Variants in SETD2 observed in about 807,000 individuals in gnomAD.
SETD2 encodes histone-lysine N-methyltransferase SETD2.
SETD2 carries 31 observed loss-of-function variants against 242.1 expected under a neutral mutation model. The ratio of observed to expected loss-of-function variants is 0.13; its 90% CI spans 0.10 to 0.17. SETD2 has a LOEUF of 0.17. Ranked by LOEUF, SETD2 falls within the 10% of genes least tolerant of loss-of-function variation. SETD2 has a pLI of 1.00. For missense variants in SETD2, 2,481 were observed against 3,046.3 expected, an observed-to-expected ratio of 0.81 and a Z score of 4.37; for synonymous variants, 1,006 against 1,066.5, an observed-to-expected ratio of 0.94 and a Z score of 1.11.
rs2038049617 is a variant in SETD2 at position 47,017,840 on chromosome 3, A to T, written c.7432-101T>A. ...AAAAGGTAGTGAGTAAAGCCAGCCA[A>T]TCCTTCTCCTTTTCCTCCCTCAGGT... On this transcript the variant is annotated intron_variant, in intron 19 of 20. Transcript: ENST00000409792. This position sits in a 1 kb window ranked among gnomAD's most constrained non-coding sequence, Gnocchi z 4.8. 1 of 804,932 alleles carries T rather than the reference A, an allele frequency of 1.2e-6. No homozygotes were observed. Among genetic ancestry groups the T allele is most frequent in the Non-Finnish European group, 2.2e-6 (1 of 460,234 alleles). 49.9% of individuals were successfully genotyped at this position (804,932 alleles called of 1,614,324 possible).
In SETD2 at chr3:47,113,889, T is replaced by C. The variant is rs2042754375; in HGVS notation, c.4702A>G (p.Lys1568Glu). The C allele has an allele frequency of 1.2e-6, 2 of 1,610,346 alleles. No individual in the cohort carries two copies. The highest frequency in any genetic ancestry group is 8.5e-7 in the Non-Finnish European group (1 of 1,179,024). ...AAAAGAACTTACGAAGGAAGGTCTT[T>C]GGCAGCTCTCAAGCCCCAGCCTTTC... ...EKKGWGLRAA[K>E]DLPSNTFVLE... The change falls in exon 5 of 21, where the codon AAA (lysine) becomes GAA (glutamate). Residue 1568 changes from lysine (K) to glutamate (E), a missense_variant. Physicochemically the swap from Lys to Glu is moderately conservative, Grantham distance 56 (BLOSUM62 1). Coordinates refer to ENST00000409792, the MANE Select transcript of SETD2 (RefSeq NM_014159.7).
chr3:47,125,157 AAAAATAC>A (rs1220690835), intron 2 of SETD2, among the ~76,000 whole-genome samples: 1 of 151,904 alleles, frequency 6.6e-6, no homozygotes, highest in Non-Finnish European at 1.5e-5. Flanking sequence ...CATCTCTACT[AAAAATAC>A]AAAAATTAGC....
At chr3:47,127,627 C>G (rs969703519) in intron 1 of SETD2, 1 of 412,226 alleles carries the variant, frequency 2.4e-6, no homozygotes, top group Admixed American at 2.8e-5. Context: ...TTTGGGAGGC[C>G]GAGGTGGGCA....
chr3:47,019,762 C>T lies in SETD2; in HGVS notation c.7429G>A (p.Glu2477Lys). 2 of 1,613,494 alleles carry T rather than the reference C, an allele frequency of 1.2e-6. No individual in the cohort carries two copies. Among genetic ancestry groups the T allele is most frequent in the Non-Finnish European group, 1.7e-6 (2 of 1,179,458 alleles). ...AKKSKEVFRK[E>K]MSQFIVQCLN... ...TGCTTATATCCACCAAACCTTACCT[C>T]TTTTCTGAATACTTCTTTGCTTTTC... Residue 2477 changes from glutamate (E) to lysine (K), a missense_variant and splice_region_variant, in exon 19 of 21, where the codon GAG (glutamate) becomes AAG (lysine). Physicochemically the swap from Glu to Lys is moderately conservative, Grantham distance 56 (BLOSUM62 1). Coordinates refer to ENST00000409792, the MANE Select transcript of SETD2 (RefSeq NM_014159.7).
At chr3:47,031,625 T>C (rs1188354236) in intron 18 of SETD2, among the ~76,000 whole-genome samples, 2 of 152,120 alleles carry the variant, frequency 1.3e-5, no homozygotes, top group Non-Finnish European at 2.9e-5. Flanking sequence ...GGTAAATATG[T>C]GGGTAAATAT....
At position 47,123,211 on chromosome 3, in the gene SETD2, A is replaced by G. The variant is rs768620219; in HGVS notation, c.1425T>C (p.Ser475=). The G allele has an allele frequency of 3.9e-5, 62 of 1,577,396 alleles. No homozygotes were observed. Among genetic ancestry groups the G allele is most frequent in the Non-Finnish European group, 5.0e-5 (58 of 1,159,306 alleles). The change falls in exon 3 of 21, where the codon TCT becomes TCC. Residue 475 remains serine, a synonymous_variant. Coordinates refer to ENST00000409792, the MANE Select transcript of SETD2 (RefSeq NM_014159.7). The stretch of plus-strand genomic sequence containing the variant: ...TTAGGTCTCTGTAAGAAGAGGAATG[A>G]GATGAGGTACGCCTTGAGTATGTCT... ...YKKTYSRRTS[S]HSSSYRDLRT...
At chr3:47,092,333 G>A (rs1344609788) in intron 9 of SETD2, among the ~76,000 whole-genome samples, 5 of 152,176 alleles carry the variant, frequency 3.3e-5, no homozygotes, top group African/African-American at 9.6e-5. Context: ...ACAGAGGTGG[G>A]AAGACTGAGT....
chr3:47,125,717 A>T (rs1303170345), intron 2 of SETD2, among the ~76,000 whole-genome samples: 1 of 152,204 alleles, frequency 6.6e-6, no homozygotes, highest in Non-Finnish European at 1.5e-5. Context: ...ACCTAAGAAG[A>T]CTACTTTTCT....
chr3:47,106,395 A>T (rs938235691), intron 5 of SETD2, among the ~76,000 whole-genome samples: 14 of 151,074 alleles, frequency 9.3e-5, no homozygotes, highest in Admixed American at 4.6e-4. Context: ...ATACTAAATC[A>T]TTCAAGTCTG....
intron 9 of SETD2, among the ~76,000 whole-genome samples, chr3:47,095,812 GAAAA>G (rs1053194205): frequency 6.9e-5 from 10 of 145,710 alleles, no homozygotes; most frequent in Non-Finnish European, 1.5e-4. Flanking sequence ...GAAAAAAAAA[GAAAA>G]AAATTACAGC....
intron 4 of SETD2, among the ~76,000 whole-genome samples, chr3:47,114,710 C>G (rs1013778895): frequency 1.3e-5 from 2 of 152,022 alleles, no homozygotes; most frequent in Admixed American, 6.6e-5. Context: ...GAAATCCTGT[C>G]TCTCTGAAAA....
At chr3:47,039,108 GTTA>G (rs1157382178) in intron 17 of SETD2, among the ~76,000 whole-genome samples, 1 of 152,086 alleles carries the variant, frequency 6.6e-6, no homozygotes, top group East Asian at 1.9e-4. Context: ...AGCTAAGGAT[GTTA>G]TTATAGAAAC....
intron 14 of SETD2, among the ~76,000 whole-genome samples, chr3:47,061,714 T>C (rs555345688): frequency 8.5e-5 from 13 of 152,210 alleles, no homozygotes; most frequent in Non-Finnish European, 1.5e-4. Flanking sequence ...TAGCCTCCAG[T>C]AAACGATTAC....
intron 12 of SETD2, among the ~76,000 whole-genome samples, chr3:47,069,999 C>A (rs1436503887): frequency 6.6e-6 from 1 of 152,164 alleles, no homozygotes; most frequent in Non-Finnish European, 1.5e-5. Flanking sequence ...CAGGTTCATT[C>A]ACAAAAGGTA....
intron 1 of SETD2, among the ~76,000 whole-genome samples, chr3:47,133,789 A>G (rs1028570771): frequency 1.3e-5 from 2 of 152,100 alleles, no homozygotes; most frequent in Non-Finnish European, 2.9e-5. Flanking sequence ...GAAAAACATT[A>G]CCTCAAATCT....
intron 6 of SETD2, chr3:47,105,531 A>G (rs942559575): frequency 4.4e-6 from 1 of 229,452 alleles, no homozygotes. Context: ...CCATGTTTTT[A>G]TTTTCTACCT....
intron 1 of SETD2, among the ~76,000 whole-genome samples, chr3:47,158,080 C>CT (rs1281985705): frequency 6.6e-6 from 1 of 152,052 alleles, no homozygotes; most frequent in Non-Finnish European, 1.5e-5. Context: ...AGGGATTTAA[C>CT]TTTTTTTGTG....
intron 5 of SETD2, among the ~76,000 whole-genome samples, chr3:47,112,401 C>A (rs1242565159): frequency 6.6e-6 from 1 of 152,108 alleles, no homozygotes; most frequent in Non-Finnish European, 1.5e-5. Context: ...CCTGCCTCAG[C>A]CCCTCAAGTA....
chr3:47,128,411 G>C (rs1253528286), intron 1 of SETD2, among the ~76,000 whole-genome samples: 1 of 152,178 alleles, frequency 6.6e-6, no homozygotes, highest in Non-Finnish European at 1.5e-5. Context: ...AGCGAGATTT[G>C]TATTTTCAGC....
Sources: allele counts gnomAD v4.1 joint callset (sites outside exome capture counted in the v4.1 genomes callset), GRCh38; gene constraint gnomAD v4.1.1; non-coding constraint Gnocchi (gnomAD v3.1); transcripts MANE v1.5; gene names NCBI Gene and HGNC (gene_info 2026-07-23, HGNC 2026-07-21).